CACNA2D3: variants seen among roughly 807,000 people sequenced by gnomAD.
CACNA2D3 encodes the protein voltage-dependent calcium channel subunit alpha-2/delta-3.
In CACNA2D3, 60 loss-of-function variants were observed where a neutral mutation model predicts 160.6. That is an observed-to-expected ratio of 0.37 (90% CI 0.30 to 0.46). The LOEUF (loss-of-function observed/expected upper bound fraction) is 0.46, where lower values mean the gene tolerates loss of function less well. CACNA2D3 is among the 20% of genes least tolerant of loss of function. The pLI, the probability that CACNA2D3 is intolerant of heterozygous loss-of-function variation, is 1.00. For missense variants in CACNA2D3, 1,205 were observed against 1,365.0 expected (o/e 0.88, Z 1.85); for synonymous variants, 558 against 492.9 (o/e 1.13, Z -1.75).
intron 25 of CACNA2D3, among the ~76,000 whole-genome samples, chr3:54,893,096 T>G (rs1174917832): frequency 6.6e-6 from 1 of 152,062 alleles, no homozygotes; most frequent in Non-Finnish European, 1.5e-5. Flanking sequence ...GTCAACATGG[T>G]GAAACCCTGT....
At chr3:54,694,767 C>T (rs1700633070) in intron 11 of CACNA2D3, among the ~76,000 whole-genome samples, 1 of 152,142 alleles carries the variant, frequency 6.6e-6, no homozygotes, top group African/African-American at 2.4e-5. Flanking sequence ...TGTTTTCATT[C>T]CCTTTTCTTC....
chr3:55,057,966 A>T (rs1704404664), intron 35 of CACNA2D3, among the ~76,000 whole-genome samples: 1 of 152,206 alleles, frequency 6.6e-6, no homozygotes, highest in Non-Finnish European at 1.5e-5. Flanking sequence ...ATTCTCAATG[A>T]TCAAAATTTT....
chr3:54,201,117 C>T (rs920309705), intron 2 of CACNA2D3, among the ~76,000 whole-genome samples: 5 of 152,090 alleles, frequency 3.3e-5, no homozygotes, highest in Admixed American at 2.0e-4. Flanking sequence ...TACAGCAAAA[C>T]GAATGTGAAA....
At chr3:54,378,291 G>A (rs143976471) in intron 3 of CACNA2D3, among the ~76,000 whole-genome samples, 2 of 152,298 alleles carry the variant, frequency 1.3e-5, no homozygotes, top group Admixed American at 1.3e-4. Flanking sequence ...TTCTCTTAAG[G>A]AGCGTGCAGC....
intron 11 of CACNA2D3, among the ~76,000 whole-genome samples, chr3:54,678,219 G>C (rs556801872): frequency 4.5e-4 from 68 of 152,164 alleles, no homozygotes; most frequent in Admixed American, 9.2e-4. Flanking sequence ...GTTTCCAAGA[G>C]AGAAGTAGTG....
intron 2 of CACNA2D3, among the ~76,000 whole-genome samples, chr3:54,205,421 C>T (rs556153866): frequency 8.1e-4 from 124 of 152,254 alleles, no homozygotes; most frequent in Non-Finnish European, 1.1e-3. Context: ...CAGCTCATAA[C>T]GCTAAGAAAA....
intron 13 of CACNA2D3, among the ~76,000 whole-genome samples, chr3:54,814,181 C>T (rs980696492): frequency 6.6e-6 from 1 of 152,138 alleles, no homozygotes; most frequent in African/African-American, 2.4e-5. Flanking sequence ...TCATAAAATT[C>T]TTTCCAGTGA....
intron 4 of CACNA2D3, among the ~76,000 whole-genome samples, chr3:54,501,789 T>A (rs1464757866): frequency 6.6e-6 from 1 of 152,218 alleles, no homozygotes; most frequent in Non-Finnish European, 1.5e-5. Flanking sequence ...TCTTAAGAAC[T>A]TTTAACAATT....
intron 13 of CACNA2D3, among the ~76,000 whole-genome samples, chr3:54,784,418 G>GA (rs1428128817): frequency 6.6e-6 from 1 of 152,158 alleles, no homozygotes; most frequent in Non-Finnish European, 1.5e-5. Context: ...GGGCCGGAAG[G>GA]AGAAGCCGTG....
intron 25 of CACNA2D3, chr3:54,894,645 G>C (rs770074513): frequency 1.4e-5 from 7 of 512,796 alleles, no homozygotes; most frequent in South Asian, 5.7e-5. Context: ...CTGCTCAGTC[G>C]TGGCTGCACC....
At chr3:54,832,415 A>G (rs1703901101) in intron 14 of CACNA2D3, among the ~76,000 whole-genome samples, 1 of 152,184 alleles carries the variant, frequency 6.6e-6, no homozygotes, top group Admixed American at 6.5e-5. Context: ...TTCCTAAAGG[A>G]AGTGGGTGAT....
At chr3:54,994,012 C>T (rs1032110638) in intron 31 of CACNA2D3, among the ~76,000 whole-genome samples, 3 of 151,808 alleles carry the variant, frequency 2.0e-5, no homozygotes, top group African/African-American at 7.3e-5. Flanking sequence ...CTGTCCAAGG[C>T]CATTCATATT....
intron 36 of CACNA2D3, 75 bp downstream of exon 36, chr3:55,073,632 G>A (rs1704869582): frequency 7.5e-7 from 1 of 1,341,366 alleles, no homozygotes; most frequent in Admixed American, 1.8e-5. Context: ...AAACCTGGGG[G>A]AGAAATATTA....
At chr3:54,830,609 C>T (rs1703853938) in intron 14 of CACNA2D3, among the ~76,000 whole-genome samples, 1 of 151,998 alleles carries the variant, frequency 6.6e-6, no homozygotes, top group African/African-American at 2.4e-5. Flanking sequence ...GTGCCCCCAC[C>T]ACGCCCAGCT....
chr3:54,463,917 C>T (rs1191688082), intron 4 of CACNA2D3, among the ~76,000 whole-genome samples: 2 of 152,142 alleles, frequency 1.3e-5, no homozygotes, highest in Non-Finnish European at 2.9e-5. Flanking sequence ...TACTTTTGGT[C>T]TTTGATGATG....
chr3:54,640,936 A>G (rs977151619), intron 10 of CACNA2D3, among the ~76,000 whole-genome samples: 2 of 152,090 alleles, frequency 1.3e-5, no homozygotes, highest in African/African-American at 4.8e-5. Context: ...TTCCTAAAAC[A>G]CAGTCCATAC....
At chr3:54,321,309 G>A (rs895924271) in intron 3 of CACNA2D3, among the ~76,000 whole-genome samples, 3 of 133,184 alleles carry the variant, frequency 2.3e-5, no homozygotes, top group African/African-American at 8.4e-5. Flanking sequence ...GACAGCGTGA[G>A]ACTCCGGCTC....
chr3:54,846,382 T>G lies in CACNA2D3; in HGVS notation c.1552-11T>G. On this transcript the variant is annotated splice_polypyrimidine_tract_variant and intron_variant, in intron 16 of 37. Coordinates refer to ENST00000474759, the MANE Select transcript of CACNA2D3 (RefSeq NM_018398.3). The stretch of plus-strand genomic sequence containing the variant: ...AGCTAATGAAGGTTTCTTTCTTGCT[T>G]CCTCTTACAGTTAGGGATTCACGGT... The G allele has an allele frequency of 6.3e-7, 1 of 1,586,914 alleles. No homozygotes were observed. The highest frequency in any genetic ancestry group is 8.6e-7 in the Non-Finnish European group (1 of 1,161,414).
At chr3:54,630,928 A>G (rs1295383115) in intron 10 of CACNA2D3, among the ~76,000 whole-genome samples, 1 of 152,176 alleles carries the variant, frequency 6.6e-6, no homozygotes, top group Non-Finnish European at 1.5e-5. Context: ...TAGGCCAGGC[A>G]CGGTGGCTCA....
Sources: allele counts gnomAD v4.1 joint callset (sites outside exome capture counted in the v4.1 genomes callset), GRCh38; gene constraint gnomAD v4.1.1; transcripts MANE v1.5; gene names NCBI Gene and HGNC (gene_info 2026-07-23, HGNC 2026-07-21).